The following MGAT4C variants were observed in gnomAD, a reference collection of about 807,000 sequenced individuals.
MGAT4C encodes the protein MGAT4 family member C, also known as alpha-1,3-mannosyl-glycoprotein 4-beta-N-acetylglucosaminyltransferase C.
A neutral mutation model predicts 40.1 loss-of-function variants in MGAT4C; 19 were observed. That is an observed-to-expected ratio of 0.47 (90% CI 0.33 to 0.70). The LOEUF (loss-of-function observed/expected upper bound fraction) is 0.70, where lower values mean the gene tolerates loss of function less well. MGAT4C is among the 30% of genes least tolerant of loss of function. MGAT4C has a pLI of 0.02. For missense variants in MGAT4C, 491 were observed against 563.2 expected (o/e 0.87, Z 1.30); for synonymous variants, 181 against 187.1 (o/e 0.97, Z 0.27).
chr12:86,389,622 G>A (rs1472693552), intron 3 of MGAT4C, among the ~76,000 whole-genome samples: 1 of 152,158 alleles, frequency 6.6e-6, no homozygotes, highest in Admixed American at 6.5e-5. Context: ...TTGCCAAACT[G>A]TCTTCCACAA....
intron 3 of MGAT4C, among the ~76,000 whole-genome samples, chr12:86,407,317 G>T (rs561147275): frequency 6.6e-6 from 1 of 152,034 alleles, no homozygotes; most frequent in South Asian, 2.1e-4. Context: ...AAGCATCTTT[G>T]CTCAGTATTA....
At chr12:86,690,405 C>T (rs1466547427) in intron 2 of MGAT4C, among the ~76,000 whole-genome samples, 8 of 152,258 alleles carry the variant, frequency 5.3e-5, no homozygotes, top group Middle Eastern at 3.4e-3. Flanking sequence ...ACCAAACAGC[C>T]GCCAGTTTTG....
intron 1 of MGAT4C, among the ~76,000 whole-genome samples, chr12:86,755,500 C>T (rs1951287621): frequency 6.6e-6 from 1 of 152,110 alleles, no homozygotes; most frequent in Admixed American, 6.5e-5. Context: ...AATTTTCTCA[C>T]CCCAGTGCTA....
intron 1 of MGAT4C, among the ~76,000 whole-genome samples, chr12:86,242,883 G>A (rs1951849070): frequency 6.6e-6 from 1 of 152,130 alleles, no homozygotes; most frequent in Admixed American, 6.5e-5. Flanking sequence ...TGCAAGTTAA[G>A]GGAACTGACT....
At chr12:86,150,759 T>G (rs1884171337) in intron 1 of MGAT4C, among the ~76,000 whole-genome samples, 1 of 151,990 alleles carries the variant, frequency 6.6e-6, no homozygotes, top group Admixed American at 6.6e-5. Context: ...AAATAGAGAT[T>G]AAAAGCAACA....
chr12:86,740,466 G>T (rs1565958337), intron 1 of MGAT4C, among the ~76,000 whole-genome samples: 1 of 151,122 alleles, frequency 6.6e-6, no homozygotes, highest in Non-Finnish European at 1.5e-5. Context: ...TAACCAAAAA[G>T]ATAATAGAGG....
At chr12:86,428,170 T>A (rs1956965970) in intron 3 of MGAT4C, among the ~76,000 whole-genome samples, 1 of 152,208 alleles carries the variant, frequency 6.6e-6, no homozygotes, top group African/African-American at 2.4e-5. Flanking sequence ...GAATTATTTA[T>A]TTAGATTATT....
chr12:86,030,529 A>T (rs1423484179), intron 2 of MGAT4C, among the ~76,000 whole-genome samples: 1 of 151,770 alleles, frequency 6.6e-6, no homozygotes, highest in South Asian at 2.1e-4. Context: ...TACTAGTATC[A>T]AGCACTTGTT....
chr12:86,345,943 A>T (rs1200347950), intron 3 of MGAT4C, among the ~76,000 whole-genome samples: 1 of 152,194 alleles, frequency 6.6e-6, no homozygotes, highest in Admixed American at 6.6e-5. Flanking sequence ...AATGATCGCC[A>T]TTCTAACTGG....
intron 1 of MGAT4C, among the ~76,000 whole-genome samples, chr12:86,223,351 C>A (rs1042646955): frequency 1.3e-5 from 2 of 152,188 alleles, no homozygotes; most frequent in African/African-American, 4.8e-5. Context: ...CTATGTCCTG[C>A]CCTGGGGCTA....
At chr12:86,217,913 T>A (rs531204640) in intron 1 of MGAT4C, among the ~76,000 whole-genome samples, 1 of 152,220 alleles carries the variant, frequency 6.6e-6, no homozygotes, top group South Asian at 2.1e-4. Context: ...GAGAAGAATC[T>A]TGTGAAAGGA....
At chr12:86,387,452 GCATT>G (rs1469508000) in intron 3 of MGAT4C, among the ~76,000 whole-genome samples, 2 of 151,866 alleles carry the variant, frequency 1.3e-5, no homozygotes, top group Non-Finnish European at 2.9e-5. Flanking sequence ...TTTTTACAAA[GCATT>G]CATTTTTCTG....
intron 4 of MGAT4C, among the ~76,000 whole-genome samples, chr12:86,315,672 C>T (rs1034533321): frequency 6.6e-6 from 1 of 152,126 alleles, no homozygotes; most frequent in Admixed American, 6.6e-5. Context: ...CGCCCCTGCA[C>T]TCCAGCCTGG....
In MGAT4C at chr12:86,196,302, C is replaced by G. The variant is rs181366619; in HGVS notation, c.-57+59937G>C. 7.2e-4 allele frequency among the ~76,000 whole-genome samples: 109 copies of G among 152,308 alleles called. 1 individual carries two copies. Among genetic ancestry groups the G allele is most frequent in the Admixed American group, 8.5e-4 (13 of 15,304 alleles). ...AAATTTCCTTAGATATTAAGGCTCA[C>G]GCATAATCCTCTTTGGTCTGATGCG... On this transcript the variant is annotated intron_variant, in intron 1 of 4. Transcript: ENST00000611864.
At chr12:86,340,828 T>C (rs1181477391) in intron 3 of MGAT4C, among the ~76,000 whole-genome samples, 1 of 152,114 alleles carries the variant, frequency 6.6e-6, no homozygotes, top group Non-Finnish European at 1.5e-5. Context: ...TGGAGAGACA[T>C]AAAGGAGTTC....
chr12:86,566,101 C>T (rs1401629488), intron 2 of MGAT4C, among the ~76,000 whole-genome samples: 1 of 152,088 alleles, frequency 6.6e-6, no homozygotes, highest in Non-Finnish European at 1.5e-5. Context: ...TTTGTCCTCA[C>T]CTGAATAGAC....
intron 2 of MGAT4C, among the ~76,000 whole-genome samples, chr12:86,630,608 C>A (rs1435904822): frequency 6.6e-6 from 1 of 152,050 alleles, no homozygotes; most frequent in Non-Finnish European, 1.5e-5. Context: ...ATATGCAAAT[C>A]AATAAAAGTA....
intron 1 of MGAT4C, among the ~76,000 whole-genome samples, chr12:86,782,400 C>A (rs1241244224): frequency 6.6e-6 from 1 of 151,908 alleles, no homozygotes; most frequent in Non-Finnish European, 1.5e-5. Flanking sequence ...CCAGGATGGT[C>A]TCAATCTCCT....
At chr12:86,434,781 A>G in intron 3 of MGAT4C, among the ~76,000 whole-genome samples, 1 of 151,898 alleles carries the variant, frequency 6.6e-6, no homozygotes, top group East Asian at 1.9e-4. Context: ...TAATAACACC[A>G]TTGGTCAGGG....
Sources: allele counts gnomAD v4.1 joint callset (sites outside exome capture counted in the v4.1 genomes callset), GRCh38; gene constraint gnomAD v4.1.1; transcripts MANE v1.5; gene names NCBI Gene and HGNC (gene_info 2026-07-23, HGNC 2026-07-21).